Variants in HHIP observed in about 807,000 individuals in gnomAD.
HHIP encodes hedgehog-interacting protein.
A neutral mutation model predicts 74.0 loss-of-function variants in HHIP; 12 were observed. That is an observed-to-expected ratio of 0.16 (90% CI 0.10 to 0.26). The LOEUF (loss-of-function observed/expected upper bound fraction) is 0.26, where lower values mean the gene tolerates loss of function less well. HHIP is among the 10% of genes least tolerant of loss of function. The probability of loss-of-function intolerance (pLI) is 1.00; values close to 1 mark genes in which losing one functional copy is unlikely to be tolerated. For missense variants in HHIP, 788 were observed against 845.0 expected (o/e 0.93, Z 0.84); for synonymous variants, 309 against 311.6 (o/e 0.99, Z 0.09).
At chr4:144,735,705 C>T (rs563313255) in intron 12 of HHIP, among the ~76,000 whole-genome samples, 9 of 152,142 alleles carry the variant, frequency 5.9e-5, no homozygotes, top group Non-Finnish European at 8.8e-5. Context: ...AAAATTAAAA[C>T]CTCAAATTAA....
chr4:144,649,138 G>A (rs540832388), intron 1 of HHIP, among the ~76,000 whole-genome samples: 133 of 151,946 alleles, frequency 8.8e-4, no homozygotes, highest in African/African-American at 3.2e-3. Context: ...TTTCCCGTAA[G>A]CCTTCCTGGA....
chr4:144,735,078 C>A (rs1032324916), intron 12 of HHIP, among the ~76,000 whole-genome samples, 189 bp downstream of exon 12: 4 of 152,144 alleles, frequency 2.6e-5, no homozygotes, highest in Non-Finnish European at 5.9e-5. Context: ...TTAATGTAAA[C>A]AATTCACTTA....
chr4:144,687,353 T>C (rs1729520216), intron 4 of HHIP, among the ~76,000 whole-genome samples: 1 of 152,218 alleles, frequency 6.6e-6, no homozygotes, highest in African/African-American at 2.4e-5. Context: ...AAGGGCTGAA[T>C]GTAGTATCTG....
intron 2 of HHIP, among the ~76,000 whole-genome samples, chr4:144,658,102 T>C: frequency 6.6e-6 from 1 of 152,142 alleles, no homozygotes; most frequent in East Asian, 1.9e-4. Flanking sequence ...GAGGAAGTTA[T>C]TTAGTATTGT....
intron 11 of HHIP, among the ~76,000 whole-genome samples, chr4:144,720,256 C>T (rs558508674): frequency 1.3e-5 from 2 of 152,022 alleles, no homozygotes; most frequent in African/African-American, 4.8e-5. Context: ...AAGTTGGCAA[C>T]CTTAAGAATA....
At chr4:144,736,914 G>T (rs72948501) in intron 12 of HHIP, among the ~76,000 whole-genome samples, 2 of 151,986 alleles carry the variant, frequency 1.3e-5, no homozygotes, top group Non-Finnish European at 2.9e-5. Context: ...TTTGATTAAC[G>T]CATTTGAAAG....
At chr4:144,732,004 GA>G (rs1560724101) in intron 11 of HHIP, among the ~76,000 whole-genome samples, 4 of 152,100 alleles carry the variant, frequency 2.6e-5, no homozygotes, top group Non-Finnish European at 5.9e-5. Context: ...TTATCTCCCT[GA>G]AGAGCGCAGT....
intron 9 of HHIP, among the ~76,000 whole-genome samples, 173 bp downstream of exon 9, chr4:144,714,521 C>T (rs1730394808): frequency 6.6e-6 from 1 of 152,098 alleles, no homozygotes; most frequent in African/African-American, 2.4e-5. Flanking sequence ...AATTGAAGAA[C>T]TTCCAAAAAG....
intron 11 of HHIP, among the ~76,000 whole-genome samples, chr4:144,722,212 T>C (rs1246950562): frequency 6.6e-6 from 1 of 152,114 alleles, no homozygotes; most frequent in Non-Finnish European, 1.5e-5. Context: ...CACTTAGTAA[T>C]GCCATCTGAA....
Position 144,652,556 on chromosome 4 carries a change from C to T in HHIP, c.280-49C>T, listed in dbSNP as rs200622879. 26 of 1,144,744 alleles carry T rather than the reference C, an allele frequency of 2.3e-5. 1 individual carries two copies. In the African/African-American group the frequency reaches 2.7e-4, roughly 12 times the overall value. The allele number at this position is 1,144,744 out of a possible 1,614,324, so 70.9% of individuals were successfully genotyped here. A position where few individuals can be genotyped will look rare whatever the true frequency, so the allele number is the denominator to read the frequency against. ...GCAAAAAATAATAATAATAGCTAAA[C>T]CTAAATTTACCTACTAAAAAAAGTT... On this transcript the variant is annotated intron_variant, in intron 1 of 12. Coordinates refer to ENST00000296575, the MANE Select transcript of HHIP (RefSeq NM_022475.3).
At chr4:144,672,770 C>T (rs965684834) in intron 4 of HHIP, among the ~76,000 whole-genome samples, 3 of 152,104 alleles carry the variant, frequency 2.0e-5, no homozygotes, top group African/African-American at 7.2e-5. Context: ...GGCACAATCT[C>T]GGCTTACTGC....
chr4:144,707,437 C>T lies in HHIP; in HGVS notation c.1157+177C>T, dbSNP rs529197473. Among the ~76,000 whole-genome samples the T allele has an allele frequency of 5.1e-4, 77 of 152,172 alleles. 2 individuals are homozygous for T. The highest frequency in any genetic ancestry group is 2.8e-3 in the Admixed American group (43 of 15,276). On this transcript the variant is annotated intron_variant, in intron 6 of 12. Transcript: ENST00000296575. The stretch of plus-strand genomic sequence containing the variant: ...TGAAGAGGAATTCACTAATATGCTA[C>T]GTGATCTTTTGTTTGTCATGAAAAG...
chr4:144,729,466 C>T (rs2126684124), intron 11 of HHIP, among the ~76,000 whole-genome samples: 1 of 152,174 alleles, frequency 6.6e-6, no homozygotes, highest in South Asian at 2.1e-4. Context: ...GGGAAATGGA[C>T]CTAATTTAGA....
intron 4 of HHIP, among the ~76,000 whole-genome samples, chr4:144,698,983 A>G (rs1729900710): frequency 6.6e-6 from 1 of 152,108 alleles, no homozygotes; most frequent in Non-Finnish European, 1.5e-5. Context: ...TTTCTGGGAT[A>G]TTTTCTGACA....
At chr4:144,691,809 G>C (rs867134567) in intron 4 of HHIP, among the ~76,000 whole-genome samples, 14 of 151,670 alleles carry the variant, frequency 9.2e-5, no homozygotes, top group African/African-American at 3.4e-4. Context: ...TCACTCTAAA[G>C]TCACTTGTCA....
At chr4:144,698,824 G>A (rs902725148) in intron 4 of HHIP, among the ~76,000 whole-genome samples, 7 of 152,188 alleles carry the variant, frequency 4.6e-5, no homozygotes, top group East Asian at 1.9e-4. Context: ...CCAAACTTAA[G>A]TTTAGTAGAA....
chr4:144,647,477 C>G (rs977168730), intron 1 of HHIP, among the ~76,000 whole-genome samples: 2 of 152,278 alleles, frequency 1.3e-5, no homozygotes, highest in South Asian at 4.1e-4. Context: ...GTTAAACCAA[C>G]AGAAAGGAAC....
At chr4:144,708,111 A>G (rs1305744248) in intron 6 of HHIP, 57 bp from the exon 7 acceptor site, 2 of 1,533,476 alleles carry the variant, frequency 1.3e-6, no homozygotes, top group Non-Finnish European at 9.0e-7. Flanking sequence ...CATATTTAAT[A>G]TAGGTGAAAT....
intron 4 of HHIP, among the ~76,000 whole-genome samples, chr4:144,674,669 C>T (rs1470923084): frequency 6.6e-6 from 1 of 152,098 alleles, no homozygotes; most frequent in Non-Finnish European, 1.5e-5. Flanking sequence ...AATATATGTG[C>T]TTTTCATCAG....
Sources: gnomAD v4.1 joint callset for allele counts (sites outside exome capture counted in the v4.1 genomes callset) on GRCh38, gnomAD v4.1.1 for gene constraint, MANE v1.5 for transcripts, NCBI Gene and HGNC (gene_info 2026-07-23, HGNC 2026-07-21) for gene names.